The following ANKDD1A variants were observed in gnomAD, a reference collection of about 807,000 sequenced individuals.
ANKDD1A encodes the protein ankyrin repeat and death domain containing 1A.
ANKDD1A carries 59 observed loss-of-function variants against 63.5 expected under a neutral mutation model. The ratio of observed to expected loss-of-function variants is 0.93; its 90% CI spans 0.75 to 1.15. The LOEUF is 1.15. Among genes scored for constraint, ANKDD1A ranks in the 50% most tolerant of loss-of-function variants. The pLI is 0.00. For synonymous variants in ANKDD1A, 266 were observed against 263.9 expected (o/e 1.01, Z -0.08); for missense variants, 632 against 656.4 (o/e 0.96, Z 0.41).
chr15:64,926,506 A>T (rs908144106), intron 5 of ANKDD1A, among the ~76,000 whole-genome samples: 3 of 152,104 alleles, frequency 2.0e-5, no homozygotes, highest in Non-Finnish European at 4.4e-5. Flanking sequence ...AGGGCACCAA[A>T]TGGAAGAGCG....
At chr15:64,953,963 TTTTC>T (rs1192084575) in intron 14 of ANKDD1A, among the ~76,000 whole-genome samples, 5 of 25,558 alleles carry the variant, frequency 2.0e-4, no homozygotes, top group Non-Finnish European at 2.9e-4. Context: ...TTGTTTCTTT[TTTTC>T]TTCTTTCTTC....
intron 3 of ANKDD1A, among the ~76,000 whole-genome samples, chr15:64,918,080 G>C (rs2084983101): frequency 6.6e-6 from 1 of 152,176 alleles, no homozygotes; most frequent in African/African-American, 2.4e-5. Flanking sequence ...TTAAAAAAAA[G>C]CGCCTGGGCG....
chr15:64,931,443 G>A, intron 7 of ANKDD1A, 44 bp from the exon 8 acceptor site: 1 of 1,579,348 alleles, frequency 6.3e-7, no homozygotes, highest in East Asian at 2.3e-5. Flanking sequence ...TCACTTGGGG[G>A]TGGGCCTCCC....
chr15:64,951,717 C>CTTTG (rs2085284120), intron 14 of ANKDD1A, among the ~76,000 whole-genome samples: 1 of 68,080 alleles, frequency 1.5e-5, no homozygotes, highest in South Asian at 5.4e-4. Flanking sequence ...TTTTCTTTTT[C>CTTTG]TTCCCTTTTC....
rs1220844313 is a variant in ANKDD1A, at chr15:64,926,941, A to C, written c.512A>C (p.Gln171Pro). The change falls in exon 6 of 15, where the codon CAG becomes CCG. Residue 171 changes from glutamine (Q) to proline (P), a missense_variant. Physicochemically the swap from Gln to Pro is moderately conservative, Grantham distance 76. Coordinates refer to ENST00000319580, the MANE Select transcript of ANKDD1A (RefSeq NM_182703.6). ...TAFHRAAEHGQLDALDFLVGS... is the reference protein window; with the variant it reads ...TAFHRAAEHGPLDALDFLVGS... ...TTTCACAGGGCAGCTGAGCACGGGC[A>C]GCTGGATGCTCTGGACTTCCTCGTG... 1 of 1,614,214 alleles carries C rather than the reference A, an allele frequency of 6.2e-7. No individual in the cohort carries two copies. The highest frequency in any genetic ancestry group is 8.5e-7 in the Non-Finnish European group (1 of 1,180,048).
At chr15:64,950,424 C>T in intron 14 of ANKDD1A, 1 of 985,358 alleles carries the variant, frequency 1.0e-6, no homozygotes, top group Non-Finnish European at 1.2e-6. Flanking sequence ...TTGAGTATGC[C>T]AATCTCAAAA....
chr15:64,936,391 A>G (rs1010066395), intron 9 of ANKDD1A, among the ~76,000 whole-genome samples: 3 of 152,162 alleles, frequency 2.0e-5, no homozygotes, highest in Admixed American at 2.0e-4. Context: ...TGTTACCTTC[A>G]TTTAGTATGT....
chr15:64,927,657 T>C (rs1321383545), intron 6 of ANKDD1A, among the ~76,000 whole-genome samples: 1 of 146,058 alleles, frequency 6.8e-6, no homozygotes, highest in Non-Finnish European at 1.5e-5. Flanking sequence ...CAGGCTGGAG[T>C]GCAGTGGCGC....
intron 11 of ANKDD1A, 65 bp from the exon 12 acceptor site, chr15:64,944,587 G>C: frequency 2.0e-6 from 3 of 1,477,204 alleles, no homozygotes; most frequent in South Asian, 2.4e-5. Context: ...TGTCCTCAGT[G>C]CTAGAAACCC....
At chr15:64,948,056 CTTAGAA>C (rs1310929713) in intron 13 of ANKDD1A, among the ~76,000 whole-genome samples, 1 of 148,242 alleles carries the variant, frequency 6.7e-6, no homozygotes, top group African/African-American at 2.5e-5. Flanking sequence ...CTAAAAAAAT[CTTAGAA>C]TTAATCAAAT....
In ANKDD1A at chr15:64,935,064, AT is replaced by A. The variant is rs551583630; in HGVS notation, c.867+838del. On this transcript the variant is annotated intron_variant, in intron 9 of 14. Transcript: ENST00000319580. The stretch of plus-strand genomic sequence containing the variant: ...ACCCAGGGAGATCCATCTCTACAGA[AT>A]TTTTTTTGAAAAACTGGCTGGTCAT... Among the ~76,000 whole-genome samples, 11 of 151,244 alleles carry A rather than the reference AT, an allele frequency of 7.3e-5. No individual in the cohort carries two copies. In the East Asian group the frequency reaches 2.0e-3, roughly 27 times the overall value.
At chr15:64,924,654 C>A (rs1369052793) in intron 4 of ANKDD1A, among the ~76,000 whole-genome samples, 1 of 152,214 alleles carries the variant, frequency 6.6e-6, no homozygotes, top group African/African-American at 2.4e-5. Context: ...AATAAGATTT[C>A]AGCAGTTTTT....
chr15:64,941,325 A>C (rs1463512079), intron 9 of ANKDD1A, among the ~76,000 whole-genome samples: 2 of 152,132 alleles, frequency 1.3e-5, no homozygotes, highest in Non-Finnish European at 2.9e-5. Context: ...ATAACTGAAT[A>C]CCATAGACTG....
At chr15:64,913,749 C>G (rs2084949218) in intron 1 of ANKDD1A, among the ~76,000 whole-genome samples, 1 of 152,194 alleles carries the variant, frequency 6.6e-6, no homozygotes, top group South Asian at 2.1e-4. Context: ...TGCATCTTAG[C>G]CTTCCCTACC....
At chr15:64,934,556 G>C (rs2085113151) in intron 9 of ANKDD1A, among the ~76,000 whole-genome samples, 1 of 144,466 alleles carries the variant, frequency 6.9e-6, no homozygotes, top group Non-Finnish European at 1.5e-5. Context: ...CTGGAGTGCA[G>C]TGTTGCAATC....
chr15:64,952,455 TCTTCTCCTTCTTC>T (rs1367103412), intron 14 of ANKDD1A, among the ~76,000 whole-genome samples: 62 of 148,646 alleles, frequency 4.2e-4, no homozygotes, highest in African/African-American at 1.3e-3. Context: ...TCTTCTTAGT[TCTTCTCCTTCTTC>T]CTTCTCCTTC....
chr15:64,934,884 C>T (rs890518808), intron 9 of ANKDD1A, among the ~76,000 whole-genome samples: 2 of 151,846 alleles, frequency 1.3e-5, no homozygotes, highest in Non-Finnish European at 2.9e-5. Flanking sequence ...AATCTTTTTA[C>T]TGTTATACAT....
chr15:64,927,724 C>A (rs1417846954), intron 6 of ANKDD1A, among the ~76,000 whole-genome samples: 2 of 151,774 alleles, frequency 1.3e-5, no homozygotes, highest in Non-Finnish European at 2.9e-5. Flanking sequence ...CCTGCCTCAG[C>A]CTCCCGAATA....
chr15:64,950,839 T>TA, intron 14 of ANKDD1A: 1 of 1,086,278 alleles, frequency 9.2e-7, no homozygotes, highest in Non-Finnish European at 1.1e-6. Context: ...AAAATGTTCT[T>TA]AAATATAGTT....
Sources: allele counts gnomAD v4.1 joint callset (sites outside exome capture counted in the v4.1 genomes callset), GRCh38; gene constraint gnomAD v4.1.1; transcripts MANE v1.5; gene names NCBI Gene and HGNC (gene_info 2026-07-23, HGNC 2026-07-21).